OSBPL9: variants seen among roughly 807,000 people sequenced by gnomAD.
The protein encoded by OSBPL9 is oxysterol binding protein like 9.
In OSBPL9, 40 loss-of-function variants were observed where a neutral mutation model predicts 106.6. The ratio of observed to expected loss-of-function variants is 0.38; its 90% confidence interval spans 0.29 to 0.49. The LOEUF (loss-of-function observed/expected upper bound fraction) is 0.49. Among genes scored for constraint, OSBPL9 ranks in the 20% least tolerant of loss-of-function variants. OSBPL9 has a pLI of 0.97. For missense variants in OSBPL9, 609 were observed against 887.2 expected (o/e 0.69, Z 3.98); for synonymous variants, 269 against 295.4 (o/e 0.91, Z 0.92).
intron 2 of OSBPL9, among the ~76,000 whole-genome samples, chr1:51,608,900 G>A (rs1376627648): frequency 6.6e-6 from 1 of 151,988 alleles, no homozygotes; most frequent in African/African-American, 2.4e-5. Flanking sequence ...AGATAAGCCA[G>A]TGCTACCAAT....
intron 1 of OSBPL9, among the ~76,000 whole-genome samples, chr1:51,586,262 T>C (rs1219343974): frequency 6.6e-6 from 1 of 152,042 alleles, no homozygotes; most frequent in Non-Finnish European, 1.5e-5. Context: ...TAAACTAATC[T>C]GAAATTCCAT....
At chr1:51,570,256 C>T in the OSBPL9 span, among the ~76,000 whole-genome samples, 3 of 152,182 alleles carry the variant, frequency 2.0e-5, no homozygotes, top group South Asian at 2.1e-4. Context: ...AACACTTACT[C>T]GTTACCAATG....
chr1:51,707,033 G>A (rs1049459679), intron 3 of OSBPL9: 1 of 185,962 alleles, frequency 5.4e-6, no homozygotes, highest in African/African-American at 2.4e-5. Context: ...TTGCATGTCT[G>A]TTTATTCTGT....
chr1:51,781,771 G>GA (rs1282868580), intron 16 of OSBPL9: 5 of 158,778 alleles, frequency 3.1e-5, no homozygotes, highest in African/African-American at 1.2e-4. Flanking sequence ...TAAGGGAAAG[G>GA]AGACATCAGA....
intron 3 of OSBPL9, among the ~76,000 whole-genome samples, chr1:51,692,020 T>C (rs1199343080): frequency 6.6e-6 from 1 of 152,094 alleles, no homozygotes; most frequent in East Asian, 1.9e-4. Context: ...AAAATAAAGA[T>C]AAAAAGGCTG....
intron 4 of OSBPL9, among the ~76,000 whole-genome samples, chr1:51,743,541 G>T (rs1455964837): frequency 1.3e-5 from 2 of 152,166 alleles, no homozygotes; most frequent in Non-Finnish European, 2.9e-5. Flanking sequence ...GGATTCAGAA[G>T]AGTGAAAATA....
chr1:51,734,565 T>C (rs1049158159), intron 4 of OSBPL9, among the ~76,000 whole-genome samples: 9 of 152,208 alleles, frequency 5.9e-5, no homozygotes, highest in Non-Finnish European at 1.2e-4. Context: ...ATCCTCCTGG[T>C]GAACCTAGTT....
intron 1 of OSBPL9, among the ~76,000 whole-genome samples, chr1:51,632,738 A>C (rs1376224869): frequency 6.6e-6 from 1 of 152,156 alleles, no homozygotes; most frequent in Non-Finnish European, 1.5e-5. Flanking sequence ...ACATGGCATA[A>C]GTATAGAAAG....
chr1:51,541,503 T>C, the OSBPL9 span, among the ~76,000 whole-genome samples: 2 of 152,214 alleles, frequency 1.3e-5, no homozygotes, highest in Admixed American at 1.3e-4. Flanking sequence ...TTCAAATTCC[T>C]GACAGAGAAA....
rs1676306229 is a variant in OSBPL9, at chr1:51,781,203, G to A, written c.1296G>A (p.Gln432=). ...DQKDPKDRMV[Q]VVKWYLSAFH... ...AGGATCCCAAGGATCGAATGGTTCA[G>A]GTTGTGAAATGGTACCTCTCAGCCT... is the stretch of plus-strand genomic sequence containing the variant. The change falls in exon 16 of 24, where the codon CAG becomes CAA. Residue 432 remains glutamine, a synonymous_variant. Coordinates refer to ENST00000428468, the MANE Select transcript of OSBPL9 (RefSeq NM_024586.6). 1.2e-6 allele frequency: 2 copies of A among 1,614,084 alleles called. No homozygotes were observed. The highest frequency in any genetic ancestry group is 4.5e-5 in the East Asian group (2 of 44,876).
At chr1:51,706,391 T>C (rs1014007711) in intron 3 of OSBPL9, among the ~76,000 whole-genome samples, 3 of 152,170 alleles carry the variant, frequency 2.0e-5, no homozygotes, top group Non-Finnish European at 1.5e-5. Context: ...CAGGGAGTTA[T>C]GAGTATGTGC....
intron 1 of OSBPL9, among the ~76,000 whole-genome samples, chr1:51,596,343 C>T (rs1366883444): frequency 6.6e-6 from 1 of 150,852 alleles, no homozygotes; most frequent in Admixed American, 6.6e-5. Context: ...GAATGGATCA[C>T]CACCTGAAGA....
intron 1 of OSBPL9, among the ~76,000 whole-genome samples, chr1:51,628,345 A>C (rs1410349020): frequency 1.3e-5 from 2 of 152,206 alleles, no homozygotes; most frequent in African/African-American, 2.4e-5. Context: ...TATTTCTTCA[A>C]GAGGCAAATG....
At chr1:51,564,052 C>CAAAAAAAAAAAAA in the OSBPL9 span, among the ~76,000 whole-genome samples, 2,994 of 27,328 alleles carry the variant, frequency 0.11, 949 homozygotes, top group East Asian at 0.24. Context: ...GAGATCATCT[C>CAAAAAAAAAAAAA]AAAAAAAAAA....
the OSBPL9 span, among the ~76,000 whole-genome samples, chr1:51,540,149 C>A: frequency 2.6e-5 from 4 of 152,162 alleles, no homozygotes; most frequent in East Asian, 7.7e-4. Flanking sequence ...CCTTCTCATT[C>A]TTTAGGTCTC....
At chr1:51,617,900 C>T (rs1009373572) in intron 1 of OSBPL9, among the ~76,000 whole-genome samples, 3 of 152,134 alleles carry the variant, frequency 2.0e-5, no homozygotes, top group African/African-American at 2.4e-5. Flanking sequence ...AGTGCAGTGT[C>T]CCCTTACAGT....
chr1:51,546,423 C>T, the OSBPL9 span, among the ~76,000 whole-genome samples: 3 of 151,952 alleles, frequency 2.0e-5, no homozygotes, highest in Non-Finnish European at 4.4e-5. Flanking sequence ...CATGGCTGGG[C>T]GCGGTGGCTC....
chr1:51,741,468 CTCCTT>C (rs2148985064), intron 4 of OSBPL9, among the ~76,000 whole-genome samples: 1 of 147,476 alleles, frequency 6.8e-6, no homozygotes, highest in Admixed American at 6.9e-5. Flanking sequence ...TCCTTCCTTC[CTCCTT>C]TCCTTTCCTT....
chr1:51,699,474 C>T (rs1282398387), intron 3 of OSBPL9, among the ~76,000 whole-genome samples: 5 of 152,114 alleles, frequency 3.3e-5, no homozygotes, highest in Non-Finnish European at 5.9e-5. Context: ...GAAGCTTTCC[C>T]TGAGTTCGCC....
Sources: allele counts gnomAD v4.1 joint callset (sites outside exome capture counted in the v4.1 genomes callset), GRCh38; gene constraint gnomAD v4.1.1; transcripts MANE v1.5; gene names NCBI Gene and HGNC (gene_info 2026-07-23, HGNC 2026-07-21).